Variants in NCEH1 observed in about 807,000 individuals in gnomAD.
NCEH1 encodes the protein 2-acetyl MAGE hydrolase.
A neutral mutation model predicts 25.4 loss-of-function variants in NCEH1; 9 were observed. That is an observed-to-expected ratio of 0.35 (90% CI 0.21 to 0.62). NCEH1 has a LOEUF of 0.62. Among genes scored for constraint, NCEH1 ranks in the 20% least tolerant of loss-of-function variants. The probability of loss-of-function intolerance (pLI) is 0.72; values close to 1 mark genes in which losing one functional copy is unlikely to be tolerated. For synonymous variants in NCEH1, 200 were observed against 199.8 expected (o/e 1.00, Z -0.01); for missense variants, 412 against 501.1 (o/e 0.82, Z 1.70).
chr3:172,676,192 C>T (rs775489398), intron 1 of NCEH1, among the ~76,000 whole-genome samples: 15 of 152,092 alleles, frequency 9.9e-5, no homozygotes, highest in Non-Finnish European at 1.9e-4. Flanking sequence ...GAGAGAGAGG[C>T]TAAAAGGAGT....
intron 3 of NCEH1, among the ~76,000 whole-genome samples, chr3:172,637,303 G>C (rs557656809): frequency 1.3e-5 from 2 of 152,016 alleles, no homozygotes; most frequent in South Asian, 2.1e-4. Context: ...ACCAAAATTA[G>C]GTAGGATAAA....
chr3:172,707,334 G>A (rs1465717758), intron 1 of NCEH1, among the ~76,000 whole-genome samples: 1 of 152,066 alleles, frequency 6.6e-6, no homozygotes, highest in Non-Finnish European at 1.5e-5. Flanking sequence ...CAAGTCTTAT[G>A]GTGGCTTTGC....
At chr3:172,664,707 T>G (rs1718124164) in intron 1 of NCEH1, among the ~76,000 whole-genome samples, 1 of 152,210 alleles carries the variant, frequency 6.6e-6, no homozygotes, top group African/African-American at 2.4e-5. Flanking sequence ...TTTCATTCAT[T>G]TGATCTTCAA....
intron 1 of NCEH1, among the ~76,000 whole-genome samples, chr3:172,671,548 AAT>A (rs778082886): frequency 5.8e-5 from 8 of 138,602 alleles, no homozygotes; most frequent in Admixed American, 1.4e-4. Context: ...TATATATACA[AAT>A]ATATATATAT....
chr3:172,689,909 AT>A lies in NCEH1; in HGVS notation c.138+20937del, dbSNP rs549736200. Among the ~76,000 whole-genome samples the A allele has an allele frequency of 3.5e-3, 486 of 140,822 alleles. 2 individuals carry two copies. The highest frequency in any genetic ancestry group is 5.5e-3 in the Non-Finnish European group (357 of 64,854). The allele number at this position is 140,822 out of a possible 152,430, so 92.4% of individuals were successfully genotyped here. ...TTATTTTTTATTATTTTATTTATTTATTTTTTTTTTTTGAGACGGAGTCTCA... is the reference window on the plus strand; with the variant it reads ...TTATTTTTTATTATTTTATTTATTTATTTTTTTTTTTGAGACGGAGTCTCA... On this transcript the variant is annotated intron_variant, in intron 1 of 4. Transcript: ENST00000475381.
At chr3:172,696,182 T>A (rs573487833) in intron 1 of NCEH1, among the ~76,000 whole-genome samples, 3 of 152,306 alleles carry the variant, frequency 2.0e-5, no homozygotes, top group African/African-American at 7.2e-5. Context: ...ATTATCTTCA[T>A]GTTCACAGAT....
intron 1 of NCEH1, among the ~76,000 whole-genome samples, chr3:172,662,034 C>T (rs1003987756): frequency 9.0e-6 from 1 of 110,706 alleles, no homozygotes. Context: ...GAGGGCATCC[C>T]TCCTCTTGTG....
chr3:172,664,579 C>T (rs184043311), intron 1 of NCEH1, among the ~76,000 whole-genome samples: 47 of 152,286 alleles, frequency 3.1e-4, no homozygotes, highest in Admixed American at 2.9e-3. Flanking sequence ...CCATTCTCCC[C>T]GTCACTTTCA....
chr3:172,675,345 T>C (rs1179412593), intron 1 of NCEH1, among the ~76,000 whole-genome samples: 1 of 132,754 alleles, frequency 7.5e-6, no homozygotes, highest in Non-Finnish European at 1.5e-5. Context: ...AAATAAATGA[T>C]TTTGTGAGTT....
chr3:172,641,332 T>C lies in NCEH1; in HGVS notation c.437+4291A>G, dbSNP rs550266170. Among the ~76,000 whole-genome samples, 35 of 152,322 alleles carry C rather than the reference T, an allele frequency of 2.3e-4. 1 individual carries two copies. The South Asian group carries it at 3.9e-3, about 17-fold the overall frequency. ...GCTACTGAGTAGGAGACATAGCTTT[T>C]ACGTAGGTTTTGTACTCAAGGACTT... On this transcript the variant is annotated intron_variant, in intron 3 of 4. Coordinates refer to ENST00000475381, the MANE Select transcript of NCEH1 (RefSeq NM_020792.6).
In NCEH1 at chr3:172,710,961, G is replaced by A. The variant is rs748430004; in HGVS notation, c.24C>T (p.Leu8=). 7.4e-6 allele frequency: 12 copies of A among 1,614,102 alleles called. No homozygotes were observed. The highest frequency in any genetic ancestry group is 5.3e-5 in the African/African-American group (4 of 75,066). Residue 8 remains leucine (L), a synonymous_variant, in exon 1 of 5, where the codon CTC becomes CTT. Transcript: ENST00000475381. MRSSCVL[L]TALVALAAYY... ...AGGCGGCCAGCGCCACCAGGGCGGT[G>A]AGCAGGACACAGGACGACCTCATCT... is the stretch of plus-strand genomic sequence containing the variant.
intron 1 of NCEH1, among the ~76,000 whole-genome samples, chr3:172,662,006 T>TG (rs1230400495): frequency 6.7e-6 from 1 of 150,030 alleles, no homozygotes; most frequent in Non-Finnish European, 1.5e-5. Flanking sequence ...AACACTATGT[T>TG]GAATAGGAGT....
chr3:172,678,317 C>T (rs1201301078), intron 1 of NCEH1, among the ~76,000 whole-genome samples: 2 of 152,316 alleles, frequency 1.3e-5, no homozygotes, highest in African/African-American at 2.4e-5. Flanking sequence ...GCAGCTCAGT[C>T]CCTCCTTGGC....
intron 1 of NCEH1, among the ~76,000 whole-genome samples, chr3:172,676,162 TAAA>T (rs1711982284): frequency 6.6e-6 from 1 of 152,264 alleles, no homozygotes; most frequent in African/African-American, 2.4e-5. Context: ...AGGTGTTACT[TAAA>T]AAAGTTTTTT....
chr3:172,702,154 G>A (rs898433036), intron 1 of NCEH1, among the ~76,000 whole-genome samples: 5 of 152,138 alleles, frequency 3.3e-5, no homozygotes, highest in South Asian at 2.1e-4. Flanking sequence ...TCGTATAAAC[G>A]GTGTCATCTT....
At chr3:172,684,926 GC>G (rs1373742868) in intron 1 of NCEH1, among the ~76,000 whole-genome samples, 2 of 151,456 alleles carry the variant, frequency 1.3e-5, no homozygotes, top group African/African-American at 4.9e-5. Flanking sequence ...GTTGCAGTGA[GC>G]CGAGACTGTG....
intron 1 of NCEH1, among the ~76,000 whole-genome samples, chr3:172,655,689 G>C (rs1362372361): frequency 1.3e-5 from 2 of 152,220 alleles, no homozygotes; most frequent in Non-Finnish European, 2.9e-5. Flanking sequence ...ATCTTCACTT[G>C]CTGAGGCCTG....
chr3:172,653,735 G>GTTTTTTTTTT lies in NCEH1; in HGVS notation c.139-5622_139-5621insAAAAAAAAAA, dbSNP rs1553830302. ...TTGTTTTTGTTGTTGTTGTTGTTCT[G>GTTTTTTTTTT]TTTTTTTTGTTTTTTTGTTTTTTTG... On this transcript the variant is annotated intron_variant, in intron 1 of 4. Transcript: ENST00000475381. Among the ~76,000 whole-genome samples, 68 of 70,996 alleles carry GTTTTTTTTTT rather than the reference G, an allele frequency of 9.6e-4. 3 individuals carry two copies. The highest frequency in any genetic ancestry group is 2.8e-3 in the African/African-American group (56 of 19,692). 46.6% of individuals were successfully genotyped at this position (70,996 alleles called of 152,430 possible).
At chr3:172,644,181 G>GGGGTGACTCTAGGGCTTTT (rs1553828636) in intron 3 of NCEH1, among the ~76,000 whole-genome samples, 1 of 26,684 alleles carries the variant, frequency 3.7e-5, no homozygotes, top group Non-Finnish European at 1.0e-4. Context: ...CTAGGGCTTT[G>GGGGTGACTCTAGGGCTTTT]GGGTGACTCT....
Sources: gnomAD v4.1 joint callset for allele counts (sites outside exome capture counted in the v4.1 genomes callset) on GRCh38, gnomAD v4.1.1 for gene constraint, MANE v1.5 for transcripts, NCBI Gene and HGNC (gene_info 2026-07-23, HGNC 2026-07-21) for gene names.